The following PRKCE variants were observed in gnomAD, a reference collection of about 807,000 sequenced individuals.
PRKCE encodes the protein protein kinase C epsilon.
Under a neutral mutation model 85.4 loss-of-function variants are expected in PRKCE, and 16 were observed. The observed-to-expected ratio is 0.19, with a 90% CI of 0.13 to 0.28. The LOEUF (loss-of-function observed/expected upper bound fraction) is 0.28, where lower values mean the gene tolerates loss of function less well. PRKCE is among the 10% of genes least tolerant of loss of function. The pLI, the probability that PRKCE is intolerant of heterozygous loss-of-function variation, is 1.00. For synonymous variants in PRKCE, 388 were observed against 371.5 expected, an observed-to-expected ratio of 1.04 and a Z score of -0.51; for missense variants, 573 against 975.2, an observed-to-expected ratio of 0.59 and a Z score of 5.49.
At chr2:46,027,947 CTT>C (rs1222949038) in intron 10 of PRKCE, among the ~76,000 whole-genome samples, 2 of 145,916 alleles carry the variant, frequency 1.4e-5, no homozygotes, top group Non-Finnish European at 1.5e-5. Context: ...TCTTTTTTTT[CTT>C]TTTTTTTTTT....
intron 13 of PRKCE, 80 bp downstream of exon 13, chr2:46,151,309 A>T: frequency 8.6e-7 from 1 of 1,162,708 alleles, no homozygotes. Flanking sequence ...ACACACACAC[A>T]CACACACACA....
chr2:45,977,709 C>G (rs181280763), intron 3 of PRKCE, among the ~76,000 whole-genome samples: 1 of 151,952 alleles, frequency 6.6e-6, no homozygotes, highest in Non-Finnish European at 1.5e-5. Flanking sequence ...CCCCATTCCA[C>G]TAACAATACC....
At chr2:46,173,685 C>T (rs1023507516) in intron 14 of PRKCE, among the ~76,000 whole-genome samples, 4 of 152,200 alleles carry the variant, frequency 2.6e-5, no homozygotes, top group African/African-American at 9.6e-5. Flanking sequence ...AGCATCATAA[C>T]ACATGTTAGA....
At chr2:46,135,983 C>T (rs573678157) in intron 11 of PRKCE, among the ~76,000 whole-genome samples, 4 of 151,902 alleles carry the variant, frequency 2.6e-5, no homozygotes, top group African/African-American at 9.7e-5. Context: ...GGTGCTGGTA[C>T]CATCTGCCAG....
In PRKCE at chr2:45,741,551, G is replaced by A. The variant is rs73926044; in HGVS notation, c.348+89103G>A. Among the ~76,000 whole-genome samples, 414 of 152,274 alleles carry A rather than the reference G, an allele frequency of 2.7e-3. 4 individuals are homozygous for A. Among genetic ancestry groups the A allele is most frequent in the African/African-American group, 9.1e-3 (379 of 41,524 alleles). ...TGGTGGAACGAGGTCTGTTCTCCAC[G>A]TCTGACACGGTCCTCAGCCAGTTTC... On this transcript the variant is annotated intron_variant, in intron 1 of 14. Transcript: ENST00000306156.
At chr2:45,712,137 CTTTTTTTTTTTTTT>C (rs34233761) in intron 1 of PRKCE, among the ~76,000 whole-genome samples, 1 of 45,796 alleles carries the variant, frequency 2.2e-5, no homozygotes, top group Non-Finnish European at 3.7e-5. Flanking sequence ...ACGGCCTGTC[CTTTTTTTTTTTTTT>C]TTTTTTTTTT....
intron 1 of PRKCE, among the ~76,000 whole-genome samples, chr2:45,741,986 G>A (rs910829439): frequency 6.6e-6 from 1 of 152,188 alleles, no homozygotes; most frequent in Non-Finnish European, 1.5e-5. Flanking sequence ...AGGAAGGCAG[G>A]CTGTGGTTAG....
intron 11 of PRKCE, among the ~76,000 whole-genome samples, chr2:46,109,433 T>G (rs2104201177): frequency 6.6e-6 from 1 of 152,276 alleles, no homozygotes; most frequent in African/African-American, 2.4e-5. Context: ...TTTGTTAGAT[T>G]TATACCTAAG....
chr2:45,809,804 C>T (rs1292765763), intron 1 of PRKCE, among the ~76,000 whole-genome samples: 1 of 150,964 alleles, frequency 6.6e-6, no homozygotes, highest in Non-Finnish European at 1.5e-5. Context: ...TGCTTGAACC[C>T]AGGAGGCAGA....
intron 1 of PRKCE, among the ~76,000 whole-genome samples, chr2:45,808,234 G>T (rs1192782779): frequency 5.3e-5 from 8 of 152,108 alleles, no homozygotes; most frequent in Admixed American, 4.6e-4. Flanking sequence ...AACATTCAAC[G>T]TGTGTTTTAC....
intron 2 of PRKCE, among the ~76,000 whole-genome samples, chr2:45,889,950 C>T (rs1230396212): frequency 6.6e-6 from 1 of 152,192 alleles, no homozygotes; most frequent in Non-Finnish European, 1.5e-5. Flanking sequence ...AGTGGTCAGT[C>T]CCTTATTGAA....
chr2:45,806,271 T>C (rs1395718897), intron 1 of PRKCE, among the ~76,000 whole-genome samples: 1 of 152,146 alleles, frequency 6.6e-6, no homozygotes, highest in African/African-American at 2.4e-5. Flanking sequence ...GAGCAGGAGA[T>C]GTGATTTACA....
intron 10 of PRKCE, among the ~76,000 whole-genome samples, chr2:46,022,918 C>CT (rs1454703270): frequency 1.1e-4 from 17 of 151,406 alleles, no homozygotes; most frequent in African/African-American, 4.1e-4. Flanking sequence ...CCCGTCTCTA[C>CT]TAAAAATACA....
At chr2:46,112,270 C>T (rs1483868436) in intron 11 of PRKCE, among the ~76,000 whole-genome samples, 1 of 152,124 alleles carries the variant, frequency 6.6e-6, no homozygotes, top group Non-Finnish European at 1.5e-5. Context: ...TACTTTGAAC[C>T]TGTCTGAGCC....
intron 1 of PRKCE, among the ~76,000 whole-genome samples, chr2:45,819,410 A>AACACC (rs1197150896): frequency 2.0e-5 from 3 of 152,106 alleles, no homozygotes; most frequent in Non-Finnish European, 4.4e-5. Context: ...TGTCAGGGAG[A>AACACC]ACACCACGTT....
rs567235259 is a variant in PRKCE, at chr2:45,668,771, G to A, written c.348+16323G>A. ...GTCACATTGGCCCTGCTTATCTCAC[G>A]GAGTTGTGAGACTCATTTAATATGC... On this transcript the variant is annotated intron_variant, in intron 1 of 14. Transcript: ENST00000306156. Among the ~76,000 whole-genome samples, 17 of 152,152 alleles carry A rather than the reference G, an allele frequency of 1.1e-4. 1 individual carries two copies. Among genetic ancestry groups the A allele is most frequent in the Non-Finnish European group, 2.2e-4 (15 of 68,018 alleles).
intron 10 of PRKCE, among the ~76,000 whole-genome samples, chr2:46,020,116 C>T (rs1706522673): frequency 6.6e-6 from 1 of 152,098 alleles, no homozygotes; most frequent in African/African-American, 2.4e-5. Flanking sequence ...TTCCACAATG[C>T]TAGGATTACA....
At chr2:45,851,204 C>T (rs552250569) in intron 2 of PRKCE, among the ~76,000 whole-genome samples, 73 of 152,336 alleles carry the variant, frequency 4.8e-4, no homozygotes, top group Admixed American at 1.1e-3. Flanking sequence ...AATAGTGCCA[C>T]GGCCCACTGA....
At chr2:45,847,856 C>G (rs879347271) in intron 2 of PRKCE, among the ~76,000 whole-genome samples, 4 of 152,192 alleles carry the variant, frequency 2.6e-5, no homozygotes, top group Non-Finnish European at 4.4e-5. Flanking sequence ...ATAAGCAGAT[C>G]CCTTTTCCAC....
Sources: allele counts gnomAD v4.1 joint callset (sites outside exome capture counted in the v4.1 genomes callset), GRCh38; gene constraint gnomAD v4.1.1; transcripts MANE v1.5; gene names NCBI Gene and HGNC (gene_info 2026-07-23, HGNC 2026-07-21).